The following EYS variants were observed in gnomAD, a reference collection of about 807,000 sequenced individuals.
EYS encodes the protein EGF-like photoreceptor maintenance factor, also known as protein eyes shut homolog.
EYS carries 250 observed loss-of-function variants against 282.1 expected under a neutral mutation model. The observed-to-expected ratio is 0.89, with a 90% CI of 0.80 to 0.98. The LOEUF is 0.98. EYS is among the 50% of genes least tolerant of loss of function. The pLI, the probability that EYS is intolerant of heterozygous loss-of-function variation, is 0.00. For synonymous variants in EYS, 1,355 were observed against 1,282.9 expected (o/e 1.06, Z -1.20); for missense variants, 4,016 against 3,709.0 (o/e 1.08, Z -2.15).
At chr6:64,910,457 C>G (rs892663135) in intron 16 of EYS, among the ~76,000 whole-genome samples, 3 of 151,988 alleles carry the variant, frequency 2.0e-5, no homozygotes, top group Admixed American at 2.0e-4. Context: ...GAAACATACT[C>G]CACAATTAGG....
intron 12 of EYS, among the ~76,000 whole-genome samples, chr6:65,115,198 C>G (rs1775330522): frequency 6.6e-6 from 1 of 151,960 alleles, no homozygotes; most frequent in African/African-American, 2.4e-5. Flanking sequence ...CTGAAAAGCT[C>G]TTATTTTTTA....
chr6:64,291,527 A>G (rs1218794298), intron 30 of EYS, among the ~76,000 whole-genome samples: 1 of 152,128 alleles, frequency 6.6e-6, no homozygotes, highest in Non-Finnish European at 1.5e-5. Flanking sequence ...CAAGTAAAGC[A>G]GACAATGCAC....
chr6:63,808,080 T>C (rs1770950011), intron 36 of EYS, among the ~76,000 whole-genome samples: 1 of 152,184 alleles, frequency 6.6e-6, no homozygotes, highest in Admixed American at 6.5e-5. Context: ...TATATGGTAT[T>C]TTACTGTCAG....
In EYS at chr6:63,813,585, GT is replaced by G. The variant is rs1193150355; in HGVS notation, c.7229-7214del. Among the ~76,000 whole-genome samples the G allele has an allele frequency of 2.6e-5, 4 of 152,088 alleles. 1 individual carries two copies. Among genetic ancestry groups the G allele is most frequent in the Middle Eastern group, 6.3e-3 (2 of 316 alleles). Reference sequence around the variant, plus strand: ...CTTTTAAGTGTTTTCAAGATAGATTGTTTGGTCTAAATATATAATTTTTTGG... The same window carrying G: ...CTTTTAAGTGTTTTCAAGATAGATTGTTGGTCTAAATATATAATTTTTTGG... On this transcript the variant is annotated intron_variant, in intron 36 of 42. Transcript: ENST00000503581.
intron 8 of EYS, among the ~76,000 whole-genome samples, chr6:65,359,595 G>A (rs559792551): frequency 1.3e-5 from 2 of 151,924 alleles, no homozygotes; most frequent in African/African-American, 4.8e-5. Context: ...CATATACCTA[G>A]AATTACAGCA....
chr6:63,724,675 A>G (rs372768869), intron 42 of EYS, among the ~76,000 whole-genome samples: 6 of 152,268 alleles, frequency 3.9e-5, no homozygotes, highest in African/African-American at 1.4e-4. Context: ...GAGATCTGAG[A>G]TCATCTAGTA....
chr6:64,914,416 AGATAACTTGAAAAAAGTCATAGT>A (rs1356667821), intron 15 of EYS, among the ~76,000 whole-genome samples: 5 of 152,160 alleles, frequency 3.3e-5, no homozygotes, highest in Non-Finnish European at 5.9e-5. Flanking sequence ...TAGATTTTTA[AGATAACTTGAAAAAAGTCATAGT>A]GCTGAAATAA....
At chr6:65,485,857 A>G (rs1765765053) in intron 5 of EYS, among the ~76,000 whole-genome samples, 1 of 152,192 alleles carries the variant, frequency 6.6e-6, no homozygotes, top group African/African-American at 2.4e-5. Context: ...CAAACTGATA[A>G]TCAGTTAATT....
chr6:64,071,195 G>C (rs1771560950), intron 32 of EYS, among the ~76,000 whole-genome samples: 1 of 152,044 alleles, frequency 6.6e-6, no homozygotes, highest in East Asian at 1.9e-4. Flanking sequence ...TTCAGAGAAA[G>C]GTGTCTGGAA....
rs1766399494 is a variant in EYS, at chr6:64,591,234, C to G, written c.4633G>C (p.Ala1545Pro). Reference sequence around the variant, plus strand: ...CTTAATTCTCTTAAAGAATCAGCAGCCTGTGATTTGATGTTTGTGAGTCTC... The same window carrying G: ...CTTAATTCTCTTAAAGAATCAGCAGGCTGTGATTTGATGTTTGTGAGTCTC... ...NQRLTNIKSQ[A>P]ADSLRELSQT... The change falls in exon 26 of 43, where the codon GCT becomes CCT. Residue 1545 changes from alanine to proline, a missense_variant. By Grantham distance (27) the Ala-to-Pro change is conservative. Transcript: ENST00000503581. The G allele has an allele frequency of 6.4e-7, 1 of 1,551,252 alleles. No individual in the cohort carries two copies. The highest frequency in any genetic ancestry group is 2.4e-5 in the East Asian group (1 of 40,910).
chr6:64,015,754 C>A (rs1270186585), intron 33 of EYS, among the ~76,000 whole-genome samples: 3 of 152,132 alleles, frequency 2.0e-5, no homozygotes, highest in Non-Finnish European at 4.4e-5. Context: ...TCAGTTTTCA[C>A]TGGAACCAGA....
At chr6:65,179,116 T>G (rs1344712735) in intron 12 of EYS, among the ~76,000 whole-genome samples, 1 of 151,772 alleles carries the variant, frequency 6.6e-6, no homozygotes, top group Non-Finnish European at 1.5e-5. Flanking sequence ...GCAGGAAAGA[T>G]CTAAAATTGA....
At chr6:64,815,628 C>A (rs1223760550) in intron 21 of EYS, among the ~76,000 whole-genome samples, 1 of 151,906 alleles carries the variant, frequency 6.6e-6, no homozygotes, top group Non-Finnish European at 1.5e-5. Context: ...ATTTATATTG[C>A]TTTGCTATAT....
intron 12 of EYS, among the ~76,000 whole-genome samples, chr6:65,153,772 A>G (rs1008437838): frequency 6.6e-6 from 1 of 151,844 alleles, no homozygotes; most frequent in African/African-American, 2.4e-5. Context: ...GAATATAGTC[A>G]TGTAAAAATT....
rs557045266 is a variant in EYS, at chr6:64,608,902, G to A, written c.3684+8516C>T. Among the ~76,000 whole-genome samples the A allele has an allele frequency of 1.1e-4, 17 of 152,282 alleles. No homozygotes were observed. In the South Asian group the frequency reaches 3.5e-3, roughly 32 times the overall value. On this transcript the variant is annotated intron_variant, in intron 24 of 42. Coordinates refer to ENST00000503581, the MANE Select transcript of EYS (RefSeq NM_001142800.2). ...ATCAATGATTGCCAGAGATGGAGGG[G>A]ACAGAGGAATTCACAGGAGGATCAC...
chr6:65,427,933 A>T (rs1767726875), intron 5 of EYS, among the ~76,000 whole-genome samples: 1 of 152,094 alleles, frequency 6.6e-6, no homozygotes, highest in Non-Finnish European at 1.5e-5. Flanking sequence ...AAAAGTATAC[A>T]TGATACATTC....
intron 11 of EYS, among the ~76,000 whole-genome samples, chr6:65,333,130 T>C (rs1415837932): frequency 2.0e-5 from 3 of 151,482 alleles, no homozygotes; most frequent in Non-Finnish European, 4.4e-5. Flanking sequence ...AGGTTTAGTT[T>C]CCTCTCTTAT....
chr6:65,621,565 T>C lies in EYS; in HGVS notation c.-333+18213A>G, dbSNP rs1409973000. ...TTAGTCCATTTACATTTAAAGTTAATATTGTTATGTGTGAATTTGATCCTG... is the reference window on the plus strand; with the variant it reads ...TTAGTCCATTTACATTTAAAGTTAACATTGTTATGTGTGAATTTGATCCTG... On this transcript the variant is annotated intron_variant, in intron 2 of 42. Coordinates refer to ENST00000503581, the MANE Select transcript of EYS (RefSeq NM_001142800.2). Among the ~76,000 whole-genome samples the C allele has an allele frequency of 8.6e-5, 13 of 151,260 alleles. No individual in the cohort carries two copies. The East Asian group carries it at 2.5e-3, about 29-fold the overall frequency.
In EYS at chr6:63,841,952, A is replaced by G. The variant is rs140426713; in HGVS notation, c.7228+22234T>C. 1.7e-3 allele frequency among the ~76,000 whole-genome samples: 258 copies of G among 152,180 alleles called. 1 individual carries two copies. The highest frequency in any genetic ancestry group is 4.7e-3 in the African/African-American group (194 of 41,488). ...AAGGACATGAACTCATTCTTTTTTT[A>G]TGGCTGCATAGTATTCCATGTATAT... On this transcript the variant is annotated intron_variant, in intron 36 of 42. Coordinates refer to ENST00000503581, the MANE Select transcript of EYS (RefSeq NM_001142800.2).
Sources: gnomAD v4.1 joint callset for allele counts (sites outside exome capture counted in the v4.1 genomes callset) on GRCh38, gnomAD v4.1.1 for gene constraint, MANE v1.5 for transcripts, NCBI Gene and HGNC (gene_info 2026-07-23, HGNC 2026-07-21) for gene names.